PCDH15: variants seen among roughly 807,000 people sequenced by gnomAD.
PCDH15 encodes protocadherin related 15, also known as protocadherin-15.
Under a neutral mutation model 178.5 loss-of-function variants are expected in PCDH15, and 129 were observed. That is an observed-to-expected ratio of 0.72 (90% CI 0.63 to 0.84). PCDH15 has a LOEUF of 0.84. Ranked by LOEUF, PCDH15 falls within the 40% of genes least tolerant of loss-of-function variation. PCDH15 has a pLI of 0.00. For synonymous variants in PCDH15, 800 were observed against 732.0 expected (o/e 1.09, Z -1.50); for missense variants, 2,230 against 2,099.9 (o/e 1.06, Z -1.21).
chr10:54,341,315 C>T (rs149905437), intron 6 of PCDH15, among the ~76,000 whole-genome samples: 9 of 152,176 alleles, frequency 5.9e-5, no homozygotes, highest in South Asian at 2.1e-4. Flanking sequence ...GCTGTTCTCC[C>T]GATAGTGAGT....
At chr10:55,475,885 G>A (rs982796116) in intron 2 of PCDH15, among the ~76,000 whole-genome samples, 1 of 152,008 alleles carries the variant, frequency 6.6e-6, no homozygotes, top group African/African-American at 2.4e-5. Flanking sequence ...CCTTCTCTTT[G>A]AAAATCATAA....
intron 2 of PCDH15, among the ~76,000 whole-genome samples, chr10:54,967,495 T>G (rs1019439512): frequency 2.0e-5 from 3 of 152,162 alleles, no homozygotes; most frequent in Non-Finnish European, 4.4e-5. Flanking sequence ...GTATAAATTA[T>G]GTATATTTTG....
At chr10:54,758,177 A>G (rs889313451) in intron 1 of PCDH15, among the ~76,000 whole-genome samples, 2 of 152,234 alleles carry the variant, frequency 1.3e-5, no homozygotes, top group Admixed American at 1.3e-4. Context: ...ATGTTTTAGT[A>G]TGTAAATACA....
chr10:54,872,837 T>C (rs1954063441), intron 3 of PCDH15, among the ~76,000 whole-genome samples: 1 of 152,054 alleles, frequency 6.6e-6, no homozygotes, highest in South Asian at 2.1e-4. Context: ...CTATAAAACA[T>C]AATCTTTGAC....
chr10:54,939,917 C>T (rs1838017540), intron 2 of PCDH15, among the ~76,000 whole-genome samples: 1 of 152,124 alleles, frequency 6.6e-6, no homozygotes, highest in Non-Finnish European at 1.5e-5. Flanking sequence ...CAACCCAGCT[C>T]TTAATACCTA....
At chr10:55,016,359 CTAACTA>C (rs1195641337) in intron 2 of PCDH15, among the ~76,000 whole-genome samples, 7 of 152,020 alleles carry the variant, frequency 4.6e-5, no homozygotes, top group Non-Finnish European at 5.9e-5. Context: ...TTTATTCTAT[CTAACTA>C]TATTTTTGTA....
intron 2 of PCDH15, among the ~76,000 whole-genome samples, chr10:54,616,256 A>C (rs952174974): frequency 1.3e-5 from 2 of 152,092 alleles, no homozygotes; most frequent in African/African-American, 2.4e-5. Context: ...AGCTCTGCAA[A>C]AACTATAGAA....
intron 3 of PCDH15, among the ~76,000 whole-genome samples, chr10:54,422,151 C>A (rs192965305): frequency 1.3e-5 from 2 of 151,486 alleles, no homozygotes; most frequent in African/African-American, 4.9e-5. Flanking sequence ...CTTAGAGTTG[C>A]AAGAGCATAG....
At chr10:54,754,523 A>T (rs1156255633) in intron 1 of PCDH15, among the ~76,000 whole-genome samples, 1 of 152,184 alleles carries the variant, frequency 6.6e-6, no homozygotes, top group Non-Finnish European at 1.5e-5. Flanking sequence ...AAATTAAGGA[A>T]AATTTTTGTA....
At chr10:54,177,130 A>T (rs1182547042) in intron 13 of PCDH15, among the ~76,000 whole-genome samples, 3 of 152,168 alleles carry the variant, frequency 2.0e-5, no homozygotes, top group African/African-American at 7.2e-5. Context: ...ATGAAAAGAC[A>T]TGGAGGAATT....
intron 1 of PCDH15, among the ~76,000 whole-genome samples, chr10:55,314,283 T>C (rs893679260): frequency 6.6e-6 from 1 of 151,046 alleles, no homozygotes; most frequent in African/African-American, 2.4e-5. Flanking sequence ...GACTGTTATA[T>C]ATTATAGCTA....
intron 8 of PCDH15, among the ~76,000 whole-genome samples, chr10:54,278,695 A>G (rs550253404): frequency 1.7e-4 from 26 of 151,720 alleles, no homozygotes; most frequent in Admixed American, 1.7e-3. Context: ...TGTCAGCTAC[A>G]GCACTAAATT....
In PCDH15 at chr10:53,806,829, G is replaced by A. The variant is rs180998546; in HGVS notation, c.4973C>T (p.Pro1658Leu). Reference protein sequence around the residue: ...NVPLNTLSKGPFSTEKMNARP... With the variant: ...NVPLNTLSKGLFSTEKMNARP... The stretch of plus-strand genomic sequence containing the variant: ...TGCATTCATTTTTTCAGTAGAAAAT[G>A]GCCCCTTTGATAATGTGTTCAGAGG... Residue 1658 changes from proline to leucine, a missense_variant, in exon 38 of 38, where the codon CCA becomes CTA. Pro to Leu is a moderately conservative substitution (Grantham distance 98, BLOSUM62 -3). Transcript: ENST00000644397. The A allele has an allele frequency of 1.2e-6, 2 of 1,613,880 alleles. No homozygotes were observed. Among genetic ancestry groups the A allele is most frequent in the East Asian group, 2.2e-5 (1 of 44,870 alleles).
intron 2 of PCDH15, among the ~76,000 whole-genome samples, chr10:55,554,389 A>G (rs1314085654): frequency 6.6e-6 from 1 of 152,078 alleles, no homozygotes; most frequent in Admixed American, 6.6e-5. Context: ...CAACTTGAGC[A>G]TAAATTACAG....
At chr10:55,605,233 C>T (rs1197516298) in intron 2 of PCDH15, among the ~76,000 whole-genome samples, 2 of 152,028 alleles carry the variant, frequency 1.3e-5, no homozygotes, top group Non-Finnish European at 2.9e-5. Context: ...ATAACAGGAT[C>T]TGAAATTGTG....
intron 17 of PCDH15, among the ~76,000 whole-genome samples, chr10:54,078,980 T>A (rs10740572): frequency 0.82 from 124,023 of 152,164 alleles, 51,130 homozygotes; most frequent in African/African-American, 0.93. Context: ...ACGCTAAGTG[T>A]AACAGGTTCC....
chr10:54,014,433 A>C (rs1331697381), intron 20 of PCDH15, among the ~76,000 whole-genome samples: 1 of 152,110 alleles, frequency 6.6e-6, no homozygotes, highest in Non-Finnish European at 1.5e-5. Context: ...TCATCTTGAT[A>C]CCAAAACCTG....
At chr10:54,349,648 G>A (rs1943863887) in intron 5 of PCDH15, among the ~76,000 whole-genome samples, 1 of 151,034 alleles carries the variant, frequency 6.6e-6, no homozygotes, top group Non-Finnish European at 1.5e-5. Context: ...TTAATATGTA[G>A]TCCTTTAAAA....
chr10:54,213,901 T>A (rs1187314278), intron 10 of PCDH15, 35 bp downstream of exon 10: 1 of 1,362,266 alleles, frequency 7.3e-7, no homozygotes, highest in East Asian at 2.3e-5. Flanking sequence ...TAGCAGTTCA[T>A]AAACACAAGG....
Sources: gnomAD v4.1 joint callset for allele counts (sites outside exome capture counted in the v4.1 genomes callset) on GRCh38, gnomAD v4.1.1 for gene constraint, MANE v1.5 for transcripts, NCBI Gene and HGNC (gene_info 2026-07-23, HGNC 2026-07-21) for gene names.